Variants in TBATA observed in about 807,000 individuals in gnomAD.
TBATA encodes protein TBATA.
Under a neutral mutation model 38.7 loss-of-function variants are expected in TBATA, and 47 were observed. The observed-to-expected ratio is 1.21, with a 90% CI of 0.96 to 1.55. The LOEUF (loss-of-function observed/expected upper bound fraction) is 1.55, where lower values mean the gene tolerates loss of function less well. Among genes scored for constraint, TBATA ranks in the 40% most tolerant of loss-of-function variants. The pLI, the probability that TBATA is intolerant of heterozygous loss-of-function variation, is 0.00. For missense variants in TBATA, 436 were observed against 435.6 expected, an observed-to-expected ratio of 1.00 and a Z score of -0.01; for synonymous variants, 183 against 170.5, an observed-to-expected ratio of 1.07 and a Z score of -0.57.
At chr10:70,777,505 C>G (rs7092630) in intron 6 of TBATA, among the ~76,000 whole-genome samples, 167 bp from the exon 7 acceptor site, 26,958 of 85,136 alleles carry the variant, frequency 0.32, 2,569 homozygotes, top group Non-Finnish European at 0.37. Flanking sequence ...AGCTCTGCCA[C>G]CCCCCCAACC....
At chr10:70,775,629 AG>A (rs1485998829) in intron 7 of TBATA, among the ~76,000 whole-genome samples, 1 of 78,008 alleles carries the variant, frequency 1.3e-5, no homozygotes, top group Non-Finnish European at 3.4e-5. Flanking sequence ...GTTATTCCCT[AG>A]GGCCCCCTCA....
chr10:70,776,384 C>T (rs1428372418), intron 7 of TBATA: 1 of 456,302 alleles, frequency 2.2e-6, no homozygotes, highest in Non-Finnish European at 4.4e-6. Flanking sequence ...GGTGAGGCCG[C>T]CCTATGGTGG....
intron 9 of TBATA, among the ~76,000 whole-genome samples, chr10:70,773,869 G>C (rs1186936564): frequency 6.6e-6 from 1 of 152,218 alleles, no homozygotes; most frequent in South Asian, 2.1e-4. Flanking sequence ...TAAAACCACT[G>C]CCTTGTGTTA....
chr10:70,773,812 C>T (rs1325453377), intron 9 of TBATA, among the ~76,000 whole-genome samples: 8 of 152,196 alleles, frequency 5.3e-5, no homozygotes, highest in Admixed American at 1.3e-4. Context: ...TCCCCCAGTT[C>T]GTAATTAATC....
At chr10:70,773,438 ACACT>A (rs1842981932) in intron 9 of TBATA, among the ~76,000 whole-genome samples, 1 of 145,606 alleles carries the variant, frequency 6.9e-6, no homozygotes, top group Admixed American at 7.0e-5. Context: ...TCTGTTGGAA[ACACT>A]CAGGTGACTG....
chr10:70,780,864 TCA>T (rs1844118372), intron 4 of TBATA, among the ~76,000 whole-genome samples: 1 of 152,132 alleles, frequency 6.6e-6, no homozygotes, highest in African/African-American at 2.4e-5. Context: ...ACTTTACATT[TCA>T]CATATCTCCA....
chr10:70,779,316 C>G (rs1386311359), intron 5 of TBATA, among the ~76,000 whole-genome samples: 1 of 152,254 alleles, frequency 6.6e-6, no homozygotes, highest in Non-Finnish European at 1.5e-5. Flanking sequence ...AGTCACATGA[C>G]TGCAGGCTCA....
rs907988632 is a variant in TBATA at position 70,774,432 on chromosome 10, G to A, written c.776-75C>T. 123 of 1,443,010 alleles carry A rather than the reference G, an allele frequency of 8.5e-5. 1 individual carries two copies. Among genetic ancestry groups the A allele is most frequent in the Middle Eastern group, 4.2e-4 (2 of 4,730 alleles). 89.4% of individuals were successfully genotyped at this position (1,443,010 alleles called of 1,614,324 possible). A position where few individuals can be genotyped will look rare whatever the true frequency, so the allele number is the denominator to read the frequency against. ...GTCCCTGTGGCGGGGCCAGAAGCAGGGCCTCCATCCAGGGCAGCTTTCTCT... is the reference window on the plus strand; with the variant it reads ...GTCCCTGTGGCGGGGCCAGAAGCAGAGCCTCCATCCAGGGCAGCTTTCTCT... On this transcript the variant is annotated intron_variant, in intron 8 of 10. Transcript: ENST00000456372.
chr10:70,783,241 C>A, intron 3 of TBATA, 98 bp downstream of exon 3: 1 of 1,391,934 alleles, frequency 7.2e-7, no homozygotes, highest in South Asian at 1.2e-5. Context: ...CTCTCTTGGA[C>A]TCCTAATCTG....
Position 70,771,517 on chromosome 10 carries a change from T to G in TBATA, c.974-56A>C. On this transcript the variant is annotated intron_variant, in intron 10 of 10. Coordinates refer to ENST00000456372, the MANE Select transcript of TBATA (RefSeq NM_001318241.2). The stretch of plus-strand genomic sequence containing the variant: ...GGACCGGGAAGGTGGGGCCCCCACC[T>G]GGGAGCTGCAGGTGGATGTGTGAGT... 8 of 1,553,428 alleles carry G rather than the reference T, an allele frequency of 5.1e-6. No homozygotes were observed. The South Asian group carries it at 9.3e-5, about 18-fold the overall frequency.
At chr10:70,776,156 C>T (rs186588090) in intron 7 of TBATA, among the ~76,000 whole-genome samples, 225 of 152,272 alleles carry the variant, frequency 1.5e-3, no homozygotes, top group Non-Finnish European at 2.5e-3. Context: ...AGGGGCCCGT[C>T]GGTCCCCAGC....
intron 9 of TBATA, among the ~76,000 whole-genome samples, chr10:70,772,787 T>A (rs1022505944): frequency 2.0e-5 from 3 of 152,098 alleles, no homozygotes; most frequent in Admixed American, 6.5e-5. Context: ...CCCAGACAAC[T>A]GTGGCCCTGC....
intron 4 of TBATA, among the ~76,000 whole-genome samples, chr10:70,780,997 C>A (rs1844137110): frequency 6.6e-6 from 1 of 152,198 alleles, no homozygotes; most frequent in African/African-American, 2.4e-5. Flanking sequence ...AGGGCTCCAG[C>A]TGATTCAGGA....
At chr10:70,783,586 G>A (rs1198895488) in intron 2 of TBATA, 61 bp from the exon 3 acceptor site, 5 of 526,648 alleles carry the variant, frequency 9.5e-6, no homozygotes, top group South Asian at 6.8e-5. Flanking sequence ...GTATCACCCA[G>A]CAATTTCTTT....
intron 3 of TBATA, chr10:70,782,599 G>C (rs1844387132): frequency 4.1e-6 from 4 of 985,476 alleles, no homozygotes; most frequent in Non-Finnish European, 3.6e-6. Context: ...CCTCCTAGGA[G>C]AGGAAGAGCT....
chr10:70,780,741 T>A (rs1196358561), intron 4 of TBATA, among the ~76,000 whole-genome samples: 1 of 152,188 alleles, frequency 6.6e-6, no homozygotes, highest in Non-Finnish European at 1.5e-5. Context: ...CACATTTCCC[T>A]GCCTCAGTCA....
chr10:70,774,301 G>A lies in TBATA; in HGVS notation c.832C>T (p.Pro278Ser), dbSNP rs747162561. The A allele has an allele frequency of 1.9e-6, 3 of 1,608,906 alleles. No homozygotes were observed. The highest frequency in any genetic ancestry group is 1.1e-5 in the South Asian group (1 of 89,302). Residue 278 changes from proline (P) to serine (S), a missense_variant, in exon 9 of 11, where the codon CCC becomes TCC. Pro to Ser is a moderately conservative substitution (Grantham distance 74, BLOSUM62 -1). Coordinates refer to ENST00000456372, the MANE Select transcript of TBATA (RefSeq NM_001318241.2). The stretch of plus-strand genomic sequence containing the variant: ...TTTTCTGTAGGGATGGAGACTAGGG[G>A]CTGGGGAAGGAGCTGAGCCACTGCT... ...QTAVAQLLPQ[P>S]LVSIPTEKLL...
intron 6 of TBATA, among the ~76,000 whole-genome samples, 154 bp from the exon 7 acceptor site, chr10:70,777,492 T>A (rs1843571177): frequency 7.2e-6 from 1 of 138,666 alleles, no homozygotes; most frequent in Non-Finnish European, 1.6e-5. Flanking sequence ...CAGGGTATCA[T>A]CCAGCTCTGC....
rs915842570 is a variant in TBATA, at chr10:70,779,623, G to A, written c.397C>T (p.Gln133Ter). 10 of 1,525,000 alleles carry A rather than the reference G, an allele frequency of 6.6e-6. No individual in the cohort carries two copies. The highest frequency in any genetic ancestry group is 2.9e-5 in the African/African-American group (2 of 68,658). 94.5% of individuals were successfully genotyped at this position (1,525,000 alleles called of 1,614,324 possible). ...PTISVPIGDP[Q>*]SNRNPQLSSE... ...GAAAGCTGGGGGTTCCGATTAGACTGTGGGTCTCCAATGGGGACAGAGATG... is the reference window on the plus strand; with the variant it reads ...GAAAGCTGGGGGTTCCGATTAGACTATGGGTCTCCAATGGGGACAGAGATG... The change falls in exon 5 of 11, where the codon CAG (glutamine) becomes TAG (stop). Residue 133 changes from glutamine (Q) to a stop codon, truncating the protein, a stop_gained. Coordinates refer to ENST00000456372, the MANE Select transcript of TBATA (RefSeq NM_001318241.2). LOFTEE classifies it high-confidence loss of function.
Sources: gnomAD v4.1 joint callset for allele counts (sites outside exome capture counted in the v4.1 genomes callset) on GRCh38, gnomAD v4.1.1 for gene constraint, MANE v1.5 for transcripts, NCBI Gene and HGNC (gene_info 2026-07-23, HGNC 2026-07-21) for gene names.